Variants in CLDN8 observed in about 807,000 individuals in gnomAD.
CLDN8 encodes claudin-8.
Under a neutral mutation model 2.2 loss-of-function variants are expected in CLDN8, and 2 were observed. The observed-to-expected ratio is 0.90, with a 90% CI of 0.37 to 2.82. CLDN8 has a LOEUF of 2.82. Ranked by LOEUF, CLDN8 falls within the 30% of genes most tolerant of loss-of-function variation. The probability of loss-of-function intolerance (pLI) is 0.10; values close to 1 mark genes in which losing one functional copy is unlikely to be tolerated. For synonymous variants in CLDN8, 107 were observed against 104.8 expected (o/e 1.02, Z -0.13); for missense variants, 314 against 280.5 (o/e 1.12, Z -0.85).
Position 30,215,527 on chromosome 21 carries a change from C to T in CLDN8, c.399G>A (p.Val133=), listed in dbSNP as rs1978940450. ...GIIFIITGMV[V]LIPVSWVANA... ...TGGCAACCCAGCTCACAGGGATGAG[C>T]ACCACCATGCCCGTGATGATGAAGA... is the stretch of plus-strand genomic sequence containing the variant. Residue 133 remains valine, a synonymous_variant, in exon 1 of 1, where the codon GTG becomes GTA. Coordinates refer to ENST00000399899, the MANE Select transcript of CLDN8 (RefSeq NM_199328.3). 1 of 1,613,968 alleles carries T rather than the reference C, an allele frequency of 6.2e-7. No individual in the cohort carries two copies. The highest frequency in any genetic ancestry group is 1.7e-5 in the Admixed American group (1 of 59,986).
rs1275199818 is a variant in CLDN8 at position 30,214,398 on chromosome 21, A to C, written c.*850T>G. 6.6e-6 allele frequency: 1 copy of C among 152,130 alleles called. No homozygotes were observed. Among genetic ancestry groups the C allele is most frequent in the Non-Finnish European group, 1.5e-5 (1 of 67,984 alleles). The allele number at this position is 152,130 out of a possible 1,614,324, so 9.4% of individuals were successfully genotyped here. Reference sequence around the variant, plus strand: ...AATACTTATTAAAATATATCCATACATATATGATTTCTTGTCAAAATGCAT... The same window carrying C: ...AATACTTATTAAAATATATCCATACCTATATGATTTCTTGTCAAAATGCAT... On this transcript the variant is annotated 3_prime_UTR_variant, in exon 1 of 1. Coordinates refer to ENST00000399899, the MANE Select transcript of CLDN8 (RefSeq NM_199328.3).
rs761508071 is a variant in CLDN8, at chr21:30,215,383, C to G, written c.543G>C (p.Leu181=). 1.2e-6 allele frequency: 2 copies of G among 1,614,144 alleles called. No homozygotes were observed. Among genetic ancestry groups the G allele is most frequent in the South Asian group, 1.1e-5 (1 of 91,088 alleles). ...CGTTGCAACAAAAAACGCAGCAGAACAGAGCTCCTCCAACAATCAGCACCA... is the reference window on the plus strand; with the variant it reads ...CGTTGCAACAAAAAACGCAGCAGAAGAGAGCTCCTCCAACAATCAGCACCA... The part of the protein sequence containing the change: ...TALVLIVGGA[L]FCCVFCCNEK... Residue 181 remains leucine, a synonymous_variant, in exon 1 of 1, where the codon CTG becomes CTC. Transcript: ENST00000399899.
At position 30,215,134 on chromosome 21, in the gene CLDN8, G is replaced by C. The variant is rs1339122383; in HGVS notation, c.*114C>G. 1 of 809,218 alleles carries C rather than the reference G, an allele frequency of 1.2e-6. No individual in the cohort carries two copies. Among genetic ancestry groups the C allele is most frequent in the Non-Finnish European group, 2.0e-6 (1 of 502,420 alleles). The allele number at this position is 809,218 out of a possible 1,614,324, so 50.1% of individuals were successfully genotyped here. ...GCTGATGCACAGTTCCTGTAATTAA[G>C]ATTAGGCAGTTAAGAACAGTAAATC... On this transcript the variant is annotated 3_prime_UTR_variant, in exon 1 of 1. Coordinates refer to ENST00000399899, the MANE Select transcript of CLDN8 (RefSeq NM_199328.3).
rs1049212286 is a variant in CLDN8 at position 30,214,138 on chromosome 21, C to G, written c.*1110G>C. 7 of 152,012 alleles carry G rather than the reference C, an allele frequency of 4.6e-5. No individual in the cohort carries two copies. The highest frequency in any genetic ancestry group is 1.7e-4 in the African/African-American group (7 of 41,382). 9.4% of individuals were successfully genotyped at this position (152,012 alleles called of 1,614,324 possible). ...TCAGTTTCATCAAATTTGGAATAAA[C>G]AGAAAAATACAGTATTTACAGATTT... On this transcript the variant is annotated 3_prime_UTR_variant, in exon 1 of 1. Coordinates refer to ENST00000399899, the MANE Select transcript of CLDN8 (RefSeq NM_199328.3).
chr21:30,215,674 C>G lies in CLDN8; in HGVS notation c.252G>C (p.Met84Ile). ...SPDLQAARGLMCAASVMSFLA... is the reference protein window; with the variant it reads ...SPDLQAARGLICAASVMSFLA... ...AGAAGGACATCACGGAAGCAGCACA[C>G]ATCAGTCCTCTGGCTGCCTGTAGGT... is the stretch of plus-strand genomic sequence containing the variant. The change falls in exon 1 of 1, where the codon ATG (methionine) becomes ATC (isoleucine). Residue 84 changes from methionine (M) to isoleucine (I), a missense_variant. Met to Ile is a conservative substitution (Grantham distance 10). Transcript: ENST00000399899. The G allele has an allele frequency of 6.2e-7, 1 of 1,614,122 alleles. No individual in the cohort carries two copies. The highest frequency in any genetic ancestry group is 8.5e-7 in the Non-Finnish European group (1 of 1,180,022).
chr21:30,215,094 A>G lies in CLDN8; in HGVS notation c.*154T>C, dbSNP rs1016267178. On this transcript the variant is annotated 3_prime_UTR_variant, in exon 1 of 1. Transcript: ENST00000399899. ...ATATCTCATTCTGCTGAAATAGCTT[A>G]TAGAATCATAAATAGCTGATGCACA... is the stretch of plus-strand genomic sequence containing the variant. 4.8e-6 allele frequency: 3 copies of G among 621,334 alleles called. No individual in the cohort carries two copies. Among genetic ancestry groups the G allele is most frequent in the African/African-American group, 3.7e-5 (2 of 54,260 alleles). The allele number at this position is 621,334 out of a possible 1,614,324, so 38.5% of individuals were successfully genotyped here.
rs1270587840 is a variant in CLDN8 at position 30,215,433 on chromosome 21, GAGCTTCTCCA to G, written c.483_492del (p.Gly162SerfsTer3). The G allele has an allele frequency of 1.2e-6, 2 of 1,614,052 alleles. No homozygotes were observed. Among genetic ancestry groups the G allele is most frequent in the South Asian group, 2.2e-5 (2 of 91,078 alleles). On this transcript the variant is annotated frameshift_variant, in exon 1 of 1. Coordinates refer to ENST00000399899, the MANE Select transcript of CLDN8 (RefSeq NM_199328.3). LOFTEE classifies it low-confidence loss of function (END_TRUNC). Reference sequence around the variant, plus strand: ...AGTGCCGTGGTCCATCCTAAGTAGAGAGCTTCTCCAAGCTCACGTTTTTGGGCAACATTCA... The same window carrying G: ...AGTGCCGTGGTCCATCCTAAGTAGAGAGCTCACGTTTTTGGGCAACATTCA...
Position 30,215,242 on chromosome 21 carries a change from A to G in CLDN8, c.*6T>C, listed in dbSNP as rs1052842601. ...CTTTATAGTAAAGTTAAAAAAACATACACAACTACACATACTGACTTCTGG... is the reference window on the plus strand; with the variant it reads ...CTTTATAGTAAAGTTAAAAAAACATGCACAACTACACATACTGACTTCTGG... On this transcript the variant is annotated 3_prime_UTR_variant, in exon 1 of 1. Coordinates refer to ENST00000399899, the MANE Select transcript of CLDN8 (RefSeq NM_199328.3). 14 of 1,606,840 alleles carry G rather than the reference A, an allele frequency of 8.7e-6. No homozygotes were observed. The highest frequency in any genetic ancestry group is 1.2e-5 in the Non-Finnish European group (14 of 1,174,968).
rs763824206 is a variant in CLDN8 at position 30,215,276 on chromosome 21, C to T, written c.650G>A (p.Ser217Asn). The T allele has an allele frequency of 3.1e-6, 5 of 1,613,510 alleles. No individual in the cohort carries two copies. Among genetic ancestry groups the T allele is most frequent in the Non-Finnish European group, 4.2e-6 (5 of 1,179,836 alleles). ...KSYHTGKKSP[S>N]VYSRSQYV ...CACATACTGACTTCTGGAGTAGACG[C>T]TCGGTGACTTCTTTCCGGTGTGATA... The change falls in exon 1 of 1, where the codon AGC becomes AAC. Residue 217 changes from serine to asparagine, a missense_variant. Physicochemically the swap from Ser to Asn is conservative, Grantham distance 46 (BLOSUM62 1). Coordinates refer to ENST00000399899, the MANE Select transcript of CLDN8 (RefSeq NM_199328.3).
In CLDN8 at chr21:30,215,176, C is replaced by T. The variant is rs751048099; in HGVS notation, c.*72G>A. On this transcript the variant is annotated 3_prime_UTR_variant, in exon 1 of 1. Coordinates refer to ENST00000399899, the MANE Select transcript of CLDN8 (RefSeq NM_199328.3). The stretch of plus-strand genomic sequence containing the variant: ...CAGTAAATCAAAGTTTCTTTGGGGT[C>T]CATTTTGAGAAAGTAATATAGATTT... 10 of 1,315,524 alleles carry T rather than the reference C, an allele frequency of 7.6e-6. 1 individual carries two copies. The highest frequency in any genetic ancestry group is 1.9e-4 in the Middle Eastern group (1 of 5,290). The allele number at this position is 1,315,524 out of a possible 1,614,324, so 81.5% of individuals were successfully genotyped here. A position where few individuals can be genotyped will look rare whatever the true frequency, so the allele number is the denominator to read the frequency against.
Position 30,215,754 on chromosome 21 carries a change from C to T in CLDN8, c.172G>A (p.Ala58Thr). The T allele has an allele frequency of 1.2e-6, 2 of 1,614,088 alleles. No individual in the cohort carries two copies. Among genetic ancestry groups the T allele is most frequent in the South Asian group, 2.2e-5 (2 of 91,070 alleles). The part of the protein sequence containing the change: ...EGLWMNCVRQ[A>T]NIRMQCKIYD... ...ATTTTGCACTGCATCCTGATGTTAG[C>T]CTGCCTCACGCAATTCATCCACAGT... Residue 58 changes from alanine (A) to threonine (T), a missense_variant, in exon 1 of 1, where the codon GCT becomes ACT. Coordinates refer to ENST00000399899, the MANE Select transcript of CLDN8 (RefSeq NM_199328.3).
Position 30,215,676 on chromosome 21 carries a change from T to A in CLDN8, c.250A>T (p.Met84Leu). The A allele has an allele frequency of 6.2e-7, 1 of 1,614,078 alleles. No homozygotes were observed. The change falls in exon 1 of 1, where the codon ATG becomes TTG. Residue 84 changes from methionine (M) to leucine (L), a missense_variant. Met to Leu is a conservative substitution (Grantham distance 15). Transcript: ENST00000399899. ...AAGGACATCACGGAAGCAGCACACA[T>A]CAGTCCTCTGGCTGCCTGTAGGTCC... Reference protein sequence around the residue: ...SPDLQAARGLMCAASVMSFLA... With the variant: ...SPDLQAARGLLCAASVMSFLA...
In CLDN8 at chr21:30,215,349, T is replaced by G; in HGVS notation, c.577A>C (p.Ser193Arg). 1 of 1,614,174 alleles carries G rather than the reference T, an allele frequency of 6.2e-7. No homozygotes were observed. Among genetic ancestry groups the G allele is most frequent in the Non-Finnish European group, 8.5e-7 (1 of 1,180,006 alleles). ...GAAGGTATCGAGTATCTGTAGCTACTGCTCTTTTCGTTGCAACAAAAAACG... is the reference window on the plus strand; with the variant it reads ...GAAGGTATCGAGTATCTGTAGCTACGGCTCTTTTCGTTGCAACAAAAAACG... The part of the protein sequence containing the change: ...CCVFCCNEKS[S>R]SYRYSIPSHR... Residue 193 changes from serine to arginine, a missense_variant, in exon 1 of 1, where the codon AGT becomes CGT. Coordinates refer to ENST00000399899, the MANE Select transcript of CLDN8 (RefSeq NM_199328.3).
rs932047907 is a variant in CLDN8, at chr21:30,214,315, C to T, written c.*933G>A. ...GTTTTTTTGGTAAGCAAATGAAAAC[C>T]AAGACATATTTTTCTGCTCTTTTAT... On this transcript the variant is annotated 3_prime_UTR_variant, in exon 1 of 1. Transcript: ENST00000399899. 6.6e-6 allele frequency: 1 copy of T among 151,956 alleles called. No homozygotes were observed. Among genetic ancestry groups the T allele is most frequent in the African/African-American group, 2.4e-5 (1 of 41,384 alleles). 9.4% of individuals were successfully genotyped at this position (151,956 alleles called of 1,614,324 possible).
chr21:30,215,612 G>C lies in CLDN8; in HGVS notation c.314C>G (p.Thr105Ser). 1 of 1,613,992 alleles carries C rather than the reference G, an allele frequency of 6.2e-7. No homozygotes were observed. ...FMMAILGMKCTRCTGDNEKVK... is the reference protein window; with the variant it reads ...FMMAILGMKCSRCTGDNEKVK... Reference sequence around the variant, plus strand: ...CTTCTCATTGTCCCCCGTGCACCTGGTGCATTTCATGCCAAGGATGGCCAT... The same window carrying C: ...CTTCTCATTGTCCCCCGTGCACCTGCTGCATTTCATGCCAAGGATGGCCAT... Residue 105 changes from threonine to serine, a missense_variant, in exon 1 of 1, where the codon ACC becomes AGC. Physicochemically the swap from Thr to Ser is moderately conservative, Grantham distance 58. Transcript: ENST00000399899.
At position 30,215,316 on chromosome 21, in the gene CLDN8, T is replaced by C. The variant is rs756602075; in HGVS notation, c.610A>G (p.Thr204Ala). 35 of 1,614,070 alleles carry C rather than the reference T, an allele frequency of 2.2e-5. No homozygotes were observed. Among genetic ancestry groups the C allele is most frequent in the East Asian group, 4.5e-5 (2 of 44,890 alleles). ...CCGGTGTGATAACTTTTTTGGGTTG[T>C]GCGATGGGAAGGTATCGAGTATCTG... is the stretch of plus-strand genomic sequence containing the variant. Reference protein sequence around the residue: ...SYRYSIPSHRTTQKSYHTGKK... With the variant: ...SYRYSIPSHRATQKSYHTGKK... The change falls in exon 1 of 1, where the codon ACA (threonine) becomes GCA (alanine). Residue 204 changes from threonine to alanine, a missense_variant. By Grantham distance (58) the Thr-to-Ala change is moderately conservative. Coordinates refer to ENST00000399899, the MANE Select transcript of CLDN8 (RefSeq NM_199328.3).
chr21:30,214,115 A>G lies in CLDN8; in HGVS notation c.*1133T>C, dbSNP rs1978862813. On this transcript the variant is annotated 3_prime_UTR_variant, in exon 1 of 1. Coordinates refer to ENST00000399899, the MANE Select transcript of CLDN8 (RefSeq NM_199328.3). ...ACACAAACTTTCAAATTGGATTGTC[A>G]GTTTCATCAAATTTGGAATAAACAG... 6.6e-6 allele frequency: 1 copy of G among 152,186 alleles called. No individual in the cohort carries two copies. The highest frequency in any genetic ancestry group is 6.5e-5 in the Admixed American group (1 of 15,278). The allele number at this position is 152,186 out of a possible 1,614,324, so 9.4% of individuals were successfully genotyped here.
In CLDN8 at chr21:30,214,914, T is replaced by G. The variant is rs1231404985; in HGVS notation, c.*334A>C. 4.1e-6 allele frequency: 1 copy of G among 242,206 alleles called. No homozygotes were observed. The highest frequency in any genetic ancestry group is 2.2e-5 in the African/African-American group (1 of 44,524). 15.0% of individuals were successfully genotyped at this position (242,206 alleles called of 1,614,324 possible). A position where few individuals can be genotyped will look rare whatever the true frequency, so the allele number is the denominator to read the frequency against. On this transcript the variant is annotated 3_prime_UTR_variant, in exon 1 of 1. Transcript: ENST00000399899. ...GAGATATAAATGTTACACTCATCTA[T>G]GTACATAATGCTATGTCGTGGAGAA...
chr21:30,215,542 G>T lies in CLDN8; in HGVS notation c.384C>A (p.Ile128=). 1 of 1,614,056 alleles carries T rather than the reference G, an allele frequency of 6.2e-7. No homozygotes were observed. The highest frequency in any genetic ancestry group is 8.5e-7 in the Non-Finnish European group (1 of 1,179,998). ...CAGGGATGAGCACCACCATGCCCGTGATGATGAAGATGATTCCAGCCGTCA... is the reference window on the plus strand; with the variant it reads ...CAGGGATGAGCACCACCATGCCCGTTATGATGAAGATGATTCCAGCCGTCA... ...ILLTAGIIFI[I]TGMVVLIPVS... Residue 128 remains isoleucine (I), a synonymous_variant, in exon 1 of 1, where the codon ATC becomes ATA. Coordinates refer to ENST00000399899, the MANE Select transcript of CLDN8 (RefSeq NM_199328.3).
Sources: gnomAD v4.1 joint callset for allele counts on GRCh38, gnomAD v4.1.1 for gene constraint, MANE v1.5 for transcripts, NCBI Gene and HGNC (gene_info 2026-07-23, HGNC 2026-07-21) for gene names.